The following TXNRD2 variants were observed in gnomAD, a reference collection of about 807,000 sequenced individuals.
TXNRD2 encodes thioredoxin reductase 2, also known as thioredoxin reductase 2, mitochondrial.
A neutral mutation model predicts 70.8 loss-of-function variants in TXNRD2; 67 were observed. That is an observed-to-expected ratio of 0.95 (90% CI 0.78 to 1.16). The LOEUF (loss-of-function observed/expected upper bound fraction) is 1.16, where lower values mean the gene tolerates loss of function less well. TXNRD2 is among the 50% of genes most tolerant of loss of function. TXNRD2 has a pLI of 0.00. For synonymous variants in TXNRD2, 301 were observed against 295.8 expected (o/e 1.02, Z -0.18); for missense variants, 644 against 719.9 (o/e 0.89, Z 1.21).
intron 8 of TXNRD2, among the ~76,000 whole-genome samples, chr22:19,907,058 C>T (rs1255212274): frequency 4.7e-5 from 4 of 85,550 alleles, no homozygotes; most frequent in African/African-American, 4.9e-5. Context: ...AGAGTGTGGG[C>T]GCCGTGGATA....
chr22:19,928,114 TAA>T (rs34625951), intron 2 of TXNRD2, among the ~76,000 whole-genome samples: 64 of 142,986 alleles, frequency 4.5e-4, no homozygotes, highest in Admixed American at 4.1e-4. Flanking sequence ...TTTTTTTTAA[TAA>T]AAAAAAAAAA....
chr22:19,901,013 C>T (rs1939751942), intron 8 of TXNRD2, among the ~76,000 whole-genome samples: 1 of 152,208 alleles, frequency 6.6e-6, no homozygotes, highest in South Asian at 2.1e-4. Flanking sequence ...GCCCTGAAGG[C>T]CAACCCTTCT....
intron 5 of TXNRD2, among the ~76,000 whole-genome samples, chr22:19,917,699 G>A (rs533099286): frequency 9.2e-5 from 14 of 152,302 alleles, no homozygotes; most frequent in Admixed American, 6.5e-4. Context: ...TTGCTCCAGC[G>A]GAAAGCACCA....
rs57800906 is a variant in TXNRD2 at position 19,905,154 on chromosome 22, C to T, written c.663-6086G>A. Among the ~76,000 whole-genome samples, 107 of 152,218 alleles carry T rather than the reference C, an allele frequency of 7.0e-4. No homozygotes were observed. In the East Asian group the frequency reaches 0.019, roughly 27 times the overall value. ...TGCATTAACAGCGCCGGACAAAAGCCGCATTTTCACAGAAGCATCGTACAG... is the reference window on the plus strand; with the variant it reads ...TGCATTAACAGCGCCGGACAAAAGCTGCATTTTCACAGAAGCATCGTACAG... On this transcript the variant is annotated intron_variant, in intron 8 of 17. Coordinates refer to ENST00000400521, the MANE Select transcript of TXNRD2 (RefSeq NM_006440.5).
intron 10 of TXNRD2, among the ~76,000 whole-genome samples, chr22:19,896,312 GAAAGAAAAA>G (rs1418857551): frequency 4.9e-5 from 7 of 142,784 alleles, no homozygotes; most frequent in Admixed American, 4.7e-4. Context: ...CAAAAAAAAA[GAAAGAAAAA>G]AAAGAAAAAC....
At chr22:19,925,086 C>G (rs56159572) in intron 2 of TXNRD2, among the ~76,000 whole-genome samples, 1 of 151,376 alleles carries the variant, frequency 6.6e-6, no homozygotes, top group South Asian at 2.1e-4. Flanking sequence ...AGATCGAGAC[C>G]ATCCTGGCTA....
At chr22:19,889,982 T>G (rs1176188707) in intron 11 of TXNRD2, among the ~76,000 whole-genome samples, 2 of 152,218 alleles carry the variant, frequency 1.3e-5, no homozygotes, top group African/African-American at 4.8e-5. Flanking sequence ...AAGACCCAGT[T>G]GGACAACCAT....
In TXNRD2 at chr22:19,895,393, C is replaced by A. The variant is rs373223971; in HGVS notation, c.949+14G>T. 6.2e-7 allele frequency: 1 copy of A among 1,613,748 alleles called. No homozygotes were observed. On this transcript the variant is annotated intron_variant, in intron 11 of 17. Transcript: ENST00000400521. ...GAGACCAGAGACAGAGCGTGTGGCT[C>A]GACGTGCCCTTACCTATGGCCCACA...
At chr22:19,926,614 T>C (rs1410490593) in intron 2 of TXNRD2, among the ~76,000 whole-genome samples, 1 of 151,608 alleles carries the variant, frequency 6.6e-6, no homozygotes, top group Non-Finnish European at 1.5e-5. Flanking sequence ...ACCCCGTCTC[T>C]ACTAAAAATA....
intron 8 of TXNRD2, among the ~76,000 whole-genome samples, chr22:19,909,597 C>CA (rs1354825374): frequency 5.0e-4 from 30 of 60,436 alleles, no homozygotes; most frequent in East Asian, 1.6e-3. Context: ...ACCACACACA[C>CA]CACTCACACA....
chr22:19,876,217 G>T (rs1273725153), intron 17 of TXNRD2: 1 of 152,240 alleles, frequency 6.6e-6, no homozygotes, highest in Non-Finnish European at 1.5e-5. Flanking sequence ...CATCTTGGGG[G>T]GAGCCCACTG....
chr22:19,922,003 C>A (rs981453960), intron 2 of TXNRD2, among the ~76,000 whole-genome samples: 1 of 152,210 alleles, frequency 6.6e-6, no homozygotes, highest in Non-Finnish European at 1.5e-5. Context: ...AAGGATCAAA[C>A]TGACTCTTAA....
intron 1 of TXNRD2, 62 bp from the exon 2 acceptor site, chr22:19,931,160 AT>A: frequency 2.7e-6 from 4 of 1,497,886 alleles, no homozygotes; most frequent in South Asian, 1.1e-5. Context: ...TACAGGATCA[AT>A]TTTATCAGGA....
chr22:19,941,525 T>C (rs2146119175), intron 1 of TXNRD2, 176 bp downstream of exon 1: 4 of 1,147,542 alleles, frequency 3.5e-6, no homozygotes, highest in Non-Finnish European at 3.4e-6. Flanking sequence ...AGGGGGCTAC[T>C]TGTGGCTAGA....
At chr22:19,890,532 C>T (rs906392211) in intron 11 of TXNRD2, among the ~76,000 whole-genome samples, 2 of 152,080 alleles carry the variant, frequency 1.3e-5, no homozygotes, top group Admixed American at 1.3e-4. Flanking sequence ...TGCAGCAAGG[C>T]GCATCCCTGA....
chr22:19,939,860 C>T (rs1456259597), intron 1 of TXNRD2, among the ~76,000 whole-genome samples: 1 of 152,086 alleles, frequency 6.6e-6, no homozygotes, highest in Non-Finnish European at 1.5e-5. Context: ...TCAATATAAA[C>T]CTGTAGGAAA....
chr22:19,927,370 C>T (rs1941186793), intron 2 of TXNRD2, among the ~76,000 whole-genome samples: 1 of 152,004 alleles, frequency 6.6e-6, no homozygotes, highest in African/African-American at 2.4e-5. Context: ...AAATACAGTA[C>T]TCCACTGGAC....
intron 11 of TXNRD2, chr22:19,894,595 C>T (rs1939409328): frequency 1.2e-5 from 2 of 170,550 alleles, no homozygotes; most frequent in Non-Finnish European, 2.5e-5. Context: ...CACCACCACA[C>T]TCCTCCTAGG....
At chr22:19,917,873 G>C (rs1453190345) in intron 5 of TXNRD2, among the ~76,000 whole-genome samples, 1 of 152,184 alleles carries the variant, frequency 6.6e-6, no homozygotes, top group Non-Finnish European at 1.5e-5. Flanking sequence ...CCTCCTCCCT[G>C]TGCAGCCCTG....
Sources: gnomAD v4.1 joint callset for allele counts (sites outside exome capture counted in the v4.1 genomes callset) on GRCh38, gnomAD v4.1.1 for gene constraint, MANE v1.5 for transcripts, NCBI Gene and HGNC (gene_info 2026-07-23, HGNC 2026-07-21) for gene names.